The following CKAP5 variants were observed in gnomAD, a reference collection of about 807,000 sequenced individuals.
The protein encoded by CKAP5 is cytoskeleton-associated protein 5.
CKAP5 carries 27 observed loss-of-function variants against 232.8 expected under a neutral mutation model. That is an observed-to-expected ratio of 0.12 (90% CI 0.09 to 0.16). The LOEUF is 0.16. Among genes scored for constraint, CKAP5 ranks in the 10% least tolerant of loss-of-function variants. The probability of loss-of-function intolerance (pLI) is 1.00; values close to 1 mark genes in which losing one functional copy is unlikely to be tolerated. For synonymous variants in CKAP5, 785 were observed against 841.1 expected (o/e 0.93, Z 1.16); for missense variants, 1,838 against 2,424.7 (o/e 0.76, Z 5.08).
In CKAP5 at chr11:46,778,634, T is replaced by G. The variant is rs377033815; in HGVS notation, c.2434-35A>C. ...AATGAATGAGTAAGGCTAATGAAAT[T>G]TATATAGGATATGGGAACAAACAAA... On this transcript the variant is annotated intron_variant, in intron 20 of 43. Transcript: ENST00000529230. 38 of 1,591,088 alleles carry G rather than the reference T, an allele frequency of 2.4e-5. No homozygotes were observed. The African/African-American group carries it at 4.4e-4, about 19-fold the overall frequency.
At chr11:46,746,850 G>A (rs1339598116) in intron 42 of CKAP5, among the ~76,000 whole-genome samples, 1 of 152,224 alleles carries the variant, frequency 6.6e-6, no homozygotes, top group Admixed American at 6.5e-5. Flanking sequence ...GCTCCAGCTG[G>A]GTATGGTGGC....
At chr11:46,807,917 C>A in intron 8 of CKAP5, 114 bp downstream of exon 8, 1 of 639,220 alleles carries the variant, frequency 1.6e-6, no homozygotes, top group South Asian at 2.6e-5. Context: ...AATTCAAATA[C>A]CATCAGTAAT....
chr11:46,766,793 T>G (rs1243260231), intron 27 of CKAP5, among the ~76,000 whole-genome samples: 5 of 152,218 alleles, frequency 3.3e-5, no homozygotes, highest in Non-Finnish European at 7.3e-5. Flanking sequence ...AGGATAAAGT[T>G]GAACATTTGA....
Position 46,818,336 on chromosome 11 carries a change from A to G in CKAP5, c.225T>C (p.Tyr75=). Residue 75 remains tyrosine (Y), a synonymous_variant, in exon 3 of 44, where the codon TAT becomes TAC. Coordinates refer to ENST00000529230, the MANE Select transcript of CKAP5 (RefSeq NM_001008938.4). ...QLKGLEAALV[Y]VENAHVAGKT... is the part of the protein sequence containing the mutation. ...TTCCTGCTACATGGGCATTTTCAAC[A>G]TAAACAAGTGCAGCTTCTAATCCTT... is the stretch of plus-strand genomic sequence containing the variant. 1.3e-6 allele frequency: 2 copies of G among 1,595,404 alleles called. No homozygotes were observed. Among genetic ancestry groups the G allele is most frequent in the South Asian group, 2.3e-5 (2 of 86,646 alleles).
At position 46,743,633 on chromosome 11, in the gene CKAP5, A is replaced by C; in HGVS notation, c.*390T>G. Reference sequence around the variant, plus strand: ...GAATACAGTGACCCTTCAGGGCGACAGAGAAGAGCTCACAAACTGAAAGGA... The same window carrying C: ...GAATACAGTGACCCTTCAGGGCGACCGAGAAGAGCTCACAAACTGAAAGGA... On this transcript the variant is annotated 3_prime_UTR_variant, in exon 44 of 44. Transcript: ENST00000529230. The C allele has an allele frequency of 4.8e-6, 1 of 210,448 alleles. No homozygotes were observed. The highest frequency in any genetic ancestry group is 9.8e-6 in the Non-Finnish European group (1 of 102,496). The allele number at this position is 210,448 out of a possible 1,614,324, so 13.0% of individuals were successfully genotyped here. A position where few individuals can be genotyped will look rare whatever the true frequency, so the allele number is the denominator to read the frequency against.
In CKAP5 at chr11:46,751,346, C is replaced by T; in HGVS notation, c.5322G>A (p.Lys1774=). 6.2e-7 allele frequency: 1 copy of T among 1,613,730 alleles called. No individual in the cohort carries two copies. Among genetic ancestry groups the T allele is most frequent in the East Asian group, 2.2e-5 (1 of 44,874 alleles). ...LHTLCKLKGP[K]ILDHLTMIDN... ...GAGACCAGTTGCGATTCTTACTCAC[C>T]TTGGGCCCTTTTAATTTGCATAAGG... The change falls in exon 39 of 44, where the codon AAG becomes AAA. Residue 1774 remains lysine (K), a splice_region_variant and synonymous_variant. Coordinates refer to ENST00000529230, the MANE Select transcript of CKAP5 (RefSeq NM_001008938.4).
At chr11:46,750,919 A>C (rs766149470) in intron 40 of CKAP5, among the ~76,000 whole-genome samples, 199 bp downstream of exon 40, 8 of 152,232 alleles carry the variant, frequency 5.3e-5, no homozygotes, top group Non-Finnish European at 1.0e-4. Flanking sequence ...GGGACCAAAA[A>C]ACACATGGTT....
At chr11:46,834,707 G>T (rs1313884330) in intron 1 of CKAP5, among the ~76,000 whole-genome samples, 1 of 152,062 alleles carries the variant, frequency 6.6e-6, no homozygotes, top group Admixed American at 6.6e-5. Flanking sequence ...TATTCAAGGG[G>T]ACTATCCATA....
In CKAP5 at chr11:46,754,997, G is replaced by A. The variant is rs1394282555; in HGVS notation, c.4760C>T (p.Ala1587Val). The change falls in exon 36 of 44, where the codon GCC becomes GTC. Residue 1587 changes from alanine to valine, a missense_variant. By Grantham distance (64) the Ala-to-Val change is moderately conservative. Around this residue, in one of 6 missense-constraint regions of CKAP5, gnomAD observed 579 missense variants for 843.2 expected, o/e 0.69. Transcript: ENST00000529230. Reference protein sequence around the residue: ...MSGHIDQFLIATFMQLRLIYN... With the variant: ...MSGHIDQFLIVTFMQLRLIYN... ...GATGAGTCTTAGCTGCATAAAAGTG[G>A]CTATCAGAAACTGATCAATATGGCC... The A allele has an allele frequency of 3.1e-6, 5 of 1,613,644 alleles. No homozygotes were observed. The highest frequency in any genetic ancestry group is 4.2e-6 in the Non-Finnish European group (5 of 1,179,852).
At chr11:46,797,754 G>T (rs769840841) in intron 11 of CKAP5, 51 bp downstream of exon 11, 8 of 1,537,252 alleles carry the variant, frequency 5.2e-6, no homozygotes, top group African/African-American at 2.8e-5. Flanking sequence ...TGCAGGAAAA[G>T]AATCTTGCCT....
intron 1 of CKAP5, among the ~76,000 whole-genome samples, chr11:46,842,222 G>C (rs1344580201): frequency 3.3e-5 from 5 of 152,152 alleles, no homozygotes; most frequent in Non-Finnish European, 7.4e-5. Flanking sequence ...TGGTAACAAA[G>C]AAGGTGGTCT....
intron 9 of CKAP5, 42 bp downstream of exon 9, chr11:46,801,158 A>G (rs1565742717): frequency 1.4e-6 from 2 of 1,433,598 alleles, no homozygotes; most frequent in East Asian, 2.3e-5. Context: ...ACCATTTTTG[A>G]TAAATTTTGT....
rs139258417 is a variant in CKAP5, at chr11:46,778,492, A to G, written c.2541T>C (p.Asp847=). ...DGDEPDDGSN[D]VVDLLPRTEI... is the part of the protein sequence containing the mutation. ...CCGTCCTCGGCAAAAGATCAACGAC[A>G]TCATTGCTCCCGTCATCTGGTTCAT... The change falls in exon 21 of 44, where the codon GAT becomes GAC. Residue 847 remains aspartate, a synonymous_variant. Coordinates refer to ENST00000529230, the MANE Select transcript of CKAP5 (RefSeq NM_001008938.4). 134 of 1,614,112 alleles carry G rather than the reference A, an allele frequency of 8.3e-5. No individual in the cohort carries two copies. The East Asian group carries it at 2.7e-3, about 33-fold the overall frequency.
rs1288366213 is a variant in CKAP5 at position 46,780,229 on chromosome 11, C to T, written c.2398G>A (p.Ala800Thr). Residue 800 changes from alanine to threonine, a missense_variant, in exon 20 of 44, where the codon GCC becomes ACC. By Grantham distance (58) the Ala-to-Thr change is moderately conservative. Around this residue, in one of 6 missense-constraint regions of CKAP5, gnomAD observed 767 missense variants for 954.6 expected, o/e 0.80. Coordinates refer to ENST00000529230, the MANE Select transcript of CKAP5 (RefSeq NM_001008938.4). Reference sequence around the variant, plus strand: ...TCTGCATCTATCTGGGATAGGAGGGCAGGCTTCTCATCCTCAAAGAACATT... The same window carrying T: ...TCTGCATCTATCTGGGATAGGAGGGTAGGCTTCTCATCCTCAAAGAACATT... ...LRMFFEDEKP[A>T]LLSQIDAEFE... 3.1e-6 allele frequency: 5 copies of T among 1,614,046 alleles called. No individual in the cohort carries two copies. The South Asian group carries it at 4.4e-5, about 14-fold the overall frequency.
At chr11:46,771,587 C>G (rs529909530) in intron 24 of CKAP5, among the ~76,000 whole-genome samples, 1 of 152,232 alleles carries the variant, frequency 6.6e-6, no homozygotes, top group African/African-American at 2.4e-5. Flanking sequence ...AAATAGTATT[C>G]CATGTATGGA....
chr11:46,808,401 C>G (rs1001300040), intron 7 of CKAP5, among the ~76,000 whole-genome samples: 1 of 152,058 alleles, frequency 6.6e-6, no homozygotes, highest in African/African-American at 2.4e-5. Context: ...ATTAGCCGGG[C>G]GTGGTGGCAG....
At chr11:46,797,621 T>C (rs1207578004) in intron 11 of CKAP5, among the ~76,000 whole-genome samples, 184 bp downstream of exon 11, 1 of 152,176 alleles carries the variant, frequency 6.6e-6, no homozygotes, top group Non-Finnish European at 1.5e-5. Context: ...CACTAACTTG[T>C]GCTTTCTTTC....
intron 31 of CKAP5, 150 bp downstream of exon 31, chr11:46,762,477 G>C (rs1370367837): frequency 2.9e-6 from 3 of 1,017,290 alleles, no homozygotes; most frequent in Non-Finnish European, 4.7e-6. Flanking sequence ...GGCTCCACCA[G>C]TGTGCAACTC....
At chr11:46,776,680 C>T (rs61897302) in intron 23 of CKAP5, among the ~76,000 whole-genome samples, 9,495 of 152,104 alleles carry the variant, frequency 0.062, 365 homozygotes, top group Non-Finnish European at 0.09. Flanking sequence ...ATTTTGTTTC[C>T]TGAGTAGTTG....
Sources: allele counts gnomAD v4.1 joint callset (sites outside exome capture counted in the v4.1 genomes callset), GRCh38; gene constraint gnomAD v4.1.1; regional missense constraint gnomAD v4.1.1; transcripts MANE v1.5; gene names NCBI Gene and HGNC (gene_info 2026-07-23, HGNC 2026-07-21).